Variants in DNM3 observed in about 807,000 individuals in gnomAD.
DNM3 encodes the protein dynamin 3.
Under a neutral mutation model 101.6 loss-of-function variants are expected in DNM3, and 47 were observed. That is an observed-to-expected ratio of 0.46 (90% CI 0.37 to 0.59). The LOEUF is 0.59. DNM3 is among the 20% of genes least tolerant of loss of function. The pLI is 0.00. For missense variants in DNM3, 849 were observed against 1,085.7 expected, an observed-to-expected ratio of 0.78 and a Z score of 3.06; for synonymous variants, 385 against 387.9, an observed-to-expected ratio of 0.99 and a Z score of 0.09.
In DNM3 at chr1:171,841,532, G is replaced by T; in HGVS notation, c.-125G>T. On this transcript the variant is annotated 5_prime_UTR_variant, in exon 1 of 21. Transcript: ENST00000627582. The stretch of plus-strand genomic sequence containing the variant: ...CGGCGGGCTGGCGGCGGGCTCCGAC[G>T]TCTGCGCCAGGACCTGGCTGGCTGA... 1 of 1,348,396 alleles carries T rather than the reference G, an allele frequency of 7.4e-7. No homozygotes were observed. The highest frequency in any genetic ancestry group is 9.8e-7 in the Non-Finnish European group (1 of 1,023,940). The allele number at this position is 1,348,396 out of a possible 1,614,324, so 83.5% of individuals were successfully genotyped here.
chr1:172,382,383 TA>T (rs993408633), intron 18 of DNM3, among the ~76,000 whole-genome samples: 2 of 152,170 alleles, frequency 1.3e-5, no homozygotes, highest in African/African-American at 4.8e-5. Flanking sequence ...AGCTTTATTC[TA>T]AAAATGTGTT....
chr1:172,147,671 A>T (rs996205317), intron 14 of DNM3, among the ~76,000 whole-genome samples: 42 of 152,248 alleles, frequency 2.8e-4, no homozygotes, highest in Middle Eastern at 3.4e-3. Flanking sequence ...ATTTTGTGAT[A>T]TCCAGATATG....
At chr1:171,938,827 G>A (rs1180481433) in intron 2 of DNM3, among the ~76,000 whole-genome samples, 3 of 151,950 alleles carry the variant, frequency 2.0e-5, no homozygotes, top group Non-Finnish European at 4.4e-5. Context: ...TGTTTTTGAG[G>A]GGAAAAAAAG....
rs554662015 is a variant in DNM3, at chr1:172,297,614, T to A, written c.1770-11114T>A. Among the ~76,000 whole-genome samples the A allele has an allele frequency of 2.5e-3, 379 of 152,290 alleles. 5 individuals carry two copies. The highest frequency in any genetic ancestry group is 8.6e-3 in the African/African-American group (357 of 41,596). On this transcript the variant is annotated intron_variant, in intron 15 of 20. Transcript: ENST00000627582. ...CTTCTTTTCTAAATGATGAGCATAT[T>A]TAAGGTTATACATTTTCCTACAGCC...
At chr1:171,970,859 T>G (rs1228041932) in intron 2 of DNM3, among the ~76,000 whole-genome samples, 1 of 152,096 alleles carries the variant, frequency 6.6e-6, no homozygotes, top group Admixed American at 6.5e-5. Flanking sequence ...AAGTAGCTAT[T>G]ATCAGAATTC....
At chr1:172,058,262 C>G (rs1014727027) in intron 10 of DNM3, among the ~76,000 whole-genome samples, 3 of 151,918 alleles carry the variant, frequency 2.0e-5, no homozygotes. Flanking sequence ...TTTAACACCC[C>G]ACTGTCAACA....
intron 17 of DNM3, among the ~76,000 whole-genome samples, chr1:172,343,485 C>A (rs1229132314): frequency 6.6e-6 from 1 of 152,006 alleles, no homozygotes; most frequent in Non-Finnish European, 1.5e-5. Flanking sequence ...TCATTCATTT[C>A]TCTTGTGTGT....
rs201929631 is a variant in DNM3 at position 172,058,081 on chromosome 1, A to G, written c.1335+9331A>G. Among the ~76,000 whole-genome samples the G allele has an allele frequency of 1.3e-4, 17 of 134,966 alleles. No homozygotes were observed. The East Asian group carries it at 4.9e-3, about 39-fold the overall frequency. 88.5% of individuals were successfully genotyped at this position (134,966 alleles called of 152,430 possible). Reference sequence around the variant, plus strand: ...TAAAACAGACTTTAAACCAACAAAGATCAAAAGAGACAAAGAAGGCCATTA... The same window carrying G: ...TAAAACAGACTTTAAACCAACAAAGGTCAAAAGAGACAAAGAAGGCCATTA... On this transcript the variant is annotated intron_variant, in intron 10 of 20. Coordinates refer to ENST00000627582, the MANE Select transcript of DNM3 (RefSeq NM_015569.5).
intron 15 of DNM3, among the ~76,000 whole-genome samples, chr1:172,294,952 T>A (rs2064096181): frequency 6.6e-6 from 1 of 151,396 alleles, no homozygotes; most frequent in Admixed American, 6.6e-5. Flanking sequence ...TAAGTTTCAC[T>A]TTCCCCCTTC....
chr1:172,135,986 AT>A (rs2057204246), intron 14 of DNM3, among the ~76,000 whole-genome samples: 1 of 152,116 alleles, frequency 6.6e-6, no homozygotes, highest in African/African-American at 2.4e-5. Context: ...TTCTATTTCT[AT>A]AGCCCAGTGT....
At position 172,244,390 on chromosome 1, in the gene DNM3, A is replaced by G. The variant is rs571399559; in HGVS notation, c.1660-9183A>G. ...AAACTAAAGAGCTTCTGCACAGCAA[A>G]AGAAACTAGCATCAGAGTGAACAGG... is the stretch of plus-strand genomic sequence containing the variant. On this transcript the variant is annotated intron_variant, in intron 14 of 20. Transcript: ENST00000627582. Among the ~76,000 whole-genome samples, 3 of 152,284 alleles carry G rather than the reference A, an allele frequency of 2.0e-5. No individual in the cohort carries two copies. The South Asian group carries it at 6.2e-4, about 32-fold the overall frequency.
intron 14 of DNM3, among the ~76,000 whole-genome samples, chr1:172,184,520 A>G (rs186076084): frequency 4.6e-5 from 7 of 152,214 alleles, no homozygotes; most frequent in African/African-American, 1.7e-4. Context: ...AATGAGCAGC[A>G]CAATCTGGAG....
chr1:171,883,402 CACACACACACA>C (rs1558209705), intron 1 of DNM3, among the ~76,000 whole-genome samples: 6 of 118,366 alleles, frequency 5.1e-5, no homozygotes, highest in South Asian at 5.1e-4. Flanking sequence ...CACACACACA[CACACACACACA>C]CCCTGTCAGA....
At chr1:172,051,801 A>G (rs1047373877) in intron 10 of DNM3, among the ~76,000 whole-genome samples, 3 of 152,134 alleles carry the variant, frequency 2.0e-5, no homozygotes, top group Non-Finnish European at 4.4e-5. Context: ...TACATCCATC[A>G]TTAGTTTTTT....
intron 20 of DNM3, among the ~76,000 whole-genome samples, chr1:172,404,106 C>T (rs1309979616): frequency 6.6e-6 from 1 of 152,010 alleles, no homozygotes; most frequent in Non-Finnish European, 1.5e-5. Flanking sequence ...ATTTCTTCTG[C>T]AAGGTTTAGT....
intron 2 of DNM3, among the ~76,000 whole-genome samples, chr1:171,950,707 C>T (rs2042464805): frequency 6.6e-6 from 1 of 152,010 alleles, no homozygotes; most frequent in African/African-American, 2.4e-5. Context: ...AAGGAATTAC[C>T]AAGGAGCATG....
chr1:171,917,613 ACT>A (rs1336501107), intron 1 of DNM3, among the ~76,000 whole-genome samples: 2 of 152,098 alleles, frequency 1.3e-5, no homozygotes, highest in Admixed American at 6.6e-5. Flanking sequence ...AGAGGGAAGC[ACT>A]CTCTCTGACT....
At chr1:172,350,319 TG>T (rs1558030410) in intron 17 of DNM3, among the ~76,000 whole-genome samples, 4 of 2,056 alleles carry the variant, frequency 1.9e-3, no homozygotes, top group Non-Finnish European at 5.2e-3. Context: ...TTTTATCTTG[TG>T]TGTGTGTGTG....
chr1:171,914,587 T>G lies in DNM3; in HGVS notation c.162-7161T>G, dbSNP rs921566923. 5.9e-5 allele frequency among the ~76,000 whole-genome samples: 9 copies of G among 152,240 alleles called. No individual in the cohort carries two copies. In the East Asian group the frequency reaches 1.7e-3, roughly 29 times the overall value. ...TCAATAATATTGGCCCACCTAGTAT[T>G]CCGTATTTTGTAATTTGGTGAATAT... On this transcript the variant is annotated intron_variant, in intron 1 of 20. Coordinates refer to ENST00000627582, the MANE Select transcript of DNM3 (RefSeq NM_015569.5).
Sources: gnomAD v4.1 joint callset for allele counts (sites outside exome capture counted in the v4.1 genomes callset) on GRCh38, gnomAD v4.1.1 for gene constraint, MANE v1.5 for transcripts, NCBI Gene and HGNC (gene_info 2026-07-23, HGNC 2026-07-21) for gene names.